Variants in DCC observed in about 807,000 individuals in gnomAD.
DCC encodes the protein netrin receptor DCC.
In DCC, 58 loss-of-function variants were observed where a neutral mutation model predicts 172.5. The ratio of observed to expected loss-of-function variants is 0.34; its 90% confidence interval spans 0.27 to 0.42. The LOEUF is 0.42. Among genes scored for constraint, DCC ranks in the 10% least tolerant of loss-of-function variants. DCC has a pLI of 1.00. For missense variants in DCC, 1,740 were observed against 1,791.0 expected, an observed-to-expected ratio of 0.97 and a Z score of 0.51; for synonymous variants, 709 against 644.5, an observed-to-expected ratio of 1.10 and a Z score of -1.52.
intron 15 of DCC, 36 bp downstream of exon 15, chr18:53,339,943 G>T: frequency 6.4e-7 from 1 of 1,554,962 alleles, no homozygotes; most frequent in African/African-American, 1.4e-5. Flanking sequence ...CTATTAAGGG[G>T]AATTAATGAT....
chr18:52,945,919 G>A (rs546662354), intron 5 of DCC, among the ~76,000 whole-genome samples: 107 of 152,292 alleles, frequency 7.0e-4, no homozygotes, highest in Admixed American at 2.0e-3. Flanking sequence ...TGGAAAACTA[G>A]AAGACATGGC....
chr18:52,779,389 G>A (rs1343683911), intron 2 of DCC, among the ~76,000 whole-genome samples: 1 of 152,144 alleles, frequency 6.6e-6, no homozygotes, highest in African/African-American at 2.4e-5. Context: ...CCATTTAGGA[G>A]TGAGAACATG....
chr18:52,983,451 G>A lies in DCC; in HGVS notation c.985+58081G>A, dbSNP rs539934118. On this transcript the variant is annotated intron_variant, in intron 5 of 28. Coordinates refer to ENST00000442544, the MANE Select transcript of DCC (RefSeq NM_005215.4). ...GGGAAAATGGGCAGTGACATTTTTAGGCTATAAATTCTAAATGTGAATAAC... is the reference window on the plus strand; with the variant it reads ...GGGAAAATGGGCAGTGACATTTTTAAGCTATAAATTCTAAATGTGAATAAC... 3.3e-5 allele frequency among the ~76,000 whole-genome samples: 5 copies of A among 152,200 alleles called. No homozygotes were observed. In the East Asian group the frequency reaches 9.7e-4, roughly 29 times the overall value.
chr18:53,492,287 T>C (rs1331743465), intron 26 of DCC, among the ~76,000 whole-genome samples: 1 of 152,206 alleles, frequency 6.6e-6, no homozygotes, highest in African/African-American at 2.4e-5. Flanking sequence ...TGATAGCTTT[T>C]TTGTTGTGCA....
chr18:52,818,418 T>TAAAA (rs55812629), intron 2 of DCC, among the ~76,000 whole-genome samples: 2,611 of 97,004 alleles, frequency 0.027, 55 homozygotes, highest in East Asian at 0.12. Flanking sequence ...TCTCAAAAAG[T>TAAAA]AAAAAAAAAA....
intron 1 of DCC, among the ~76,000 whole-genome samples, chr18:52,558,083 T>G (rs1461643724): frequency 6.6e-6 from 1 of 152,152 alleles, no homozygotes; most frequent in Non-Finnish European, 1.5e-5. Flanking sequence ...CATACTATGT[T>G]AATACAAACT....
chr18:52,782,718 C>T (rs1460275449), intron 2 of DCC, among the ~76,000 whole-genome samples: 1 of 152,002 alleles, frequency 6.6e-6, no homozygotes, highest in Admixed American at 6.6e-5. Flanking sequence ...TCTGCTCCTG[C>T]TTGGCTTTAT....
intron 9 of DCC, among the ~76,000 whole-genome samples, chr18:53,200,637 T>C (rs997575538): frequency 1.6e-4 from 24 of 152,192 alleles, no homozygotes; most frequent in African/African-American, 5.5e-4. Context: ...ATGGGGATAC[T>C]GCTTTGAGCT....
chr18:53,082,567 T>G (rs1365604191), intron 7 of DCC, among the ~76,000 whole-genome samples: 1 of 152,110 alleles, frequency 6.6e-6, no homozygotes, highest in African/African-American at 2.4e-5. Flanking sequence ...TTGTTTTTGT[T>G]CAGTAACAAA....
At chr18:53,500,583 A>C (rs1380376403) in intron 27 of DCC, among the ~76,000 whole-genome samples, 1 of 151,778 alleles carries the variant, frequency 6.6e-6, no homozygotes, top group African/African-American at 2.4e-5. Context: ...ATTATTTTAT[A>C]TTAAGAATGT....
At chr18:53,111,582 C>T (rs140475084) in intron 7 of DCC, among the ~76,000 whole-genome samples, 15 of 151,380 alleles carry the variant, frequency 9.9e-5, no homozygotes, top group African/African-American at 3.6e-4. Context: ...TTTAGGTTAT[C>T]AGTCTGCCTT....
intron 1 of DCC, among the ~76,000 whole-genome samples, chr18:52,502,398 G>A (rs765377530): frequency 3.9e-5 from 6 of 152,036 alleles, no homozygotes; most frequent in Non-Finnish European, 8.8e-5. Flanking sequence ...CCTTTCCTAC[G>A]AAACTATGCA....
chr18:53,512,971 A>T, intron 27 of DCC, among the ~76,000 whole-genome samples: 1 of 152,152 alleles, frequency 6.6e-6, no homozygotes, highest in East Asian at 1.9e-4. Context: ...TGCCACAAAG[A>T]TACTCCTCGA....
At chr18:53,518,151 T>C (rs1046597475) in intron 27 of DCC, among the ~76,000 whole-genome samples, 2 of 152,130 alleles carry the variant, frequency 1.3e-5, no homozygotes, top group Non-Finnish European at 2.9e-5. Context: ...GAAACTAGAC[T>C]GAGAGAGTCC....
chr18:53,214,895 A>C (rs2055822772), intron 11 of DCC, among the ~76,000 whole-genome samples: 1 of 152,176 alleles, frequency 6.6e-6, no homozygotes, highest in African/African-American at 2.4e-5. Context: ...GGAGTAGTTA[A>C]ATAAAAATGT....
chr18:52,825,690 T>TA (rs60156255), intron 2 of DCC, among the ~76,000 whole-genome samples: 16 of 151,930 alleles, frequency 1.1e-4, no homozygotes, highest in Admixed American at 6.5e-4. Flanking sequence ...TGGTTTGTTT[T>TA]AAAAAAATCA....
At chr18:53,453,382 T>C (rs2045441619) in intron 23 of DCC, among the ~76,000 whole-genome samples, 1 of 152,164 alleles carries the variant, frequency 6.6e-6, no homozygotes, top group South Asian at 2.1e-4. Context: ...TGGACTTTAA[T>C]GTAATTAATA....
At chr18:52,538,199 C>T (rs2032340597) in intron 1 of DCC, among the ~76,000 whole-genome samples, 1 of 152,182 alleles carries the variant, frequency 6.6e-6, no homozygotes, top group Non-Finnish European at 1.5e-5. Flanking sequence ...CCTCCAACTA[C>T]CATCACACAA....
intron 26 of DCC, 75 bp downstream of exon 26, chr18:53,487,033 C>T: frequency 2.5e-6 from 4 of 1,582,452 alleles, no homozygotes; most frequent in Non-Finnish European, 3.5e-6. Context: ...ATGTTGCATT[C>T]TGACCTTATC....
Sources: allele counts gnomAD v4.1 joint callset (sites outside exome capture counted in the v4.1 genomes callset), GRCh38; gene constraint gnomAD v4.1.1; transcripts MANE v1.5; gene names NCBI Gene and HGNC (gene_info 2026-07-23, HGNC 2026-07-21).